CACNA1E: variants seen among roughly 807,000 people sequenced by gnomAD.
The protein encoded by CACNA1E is calcium voltage-gated channel subunit alpha1 E.
CACNA1E carries 40 observed loss-of-function variants against 259.2 expected under a neutral mutation model. The observed-to-expected ratio is 0.15, with a 90% CI of 0.12 to 0.20. The LOEUF (loss-of-function observed/expected upper bound fraction) is 0.20, where lower values mean the gene tolerates loss of function less well. CACNA1E is among the 10% of genes least tolerant of loss of function. The pLI, the probability that CACNA1E is intolerant of heterozygous loss-of-function variation, is 1.00. For missense variants in CACNA1E, 1,874 were observed against 3,040.1 expected (o/e 0.62, Z 9.02); for synonymous variants, 1,104 against 1,138.5 (o/e 0.97, Z 0.61).
intron 2 of CACNA1E, among the ~76,000 whole-genome samples, chr1:181,475,358 A>G (rs908564808): frequency 5.3e-5 from 8 of 152,216 alleles, no homozygotes; most frequent in African/African-American, 1.9e-4. Flanking sequence ...ATCAGTGATA[A>G]AACAGTACTA....
chr1:181,361,434 GT>G (rs1173081889), intron 1 of CACNA1E, among the ~76,000 whole-genome samples: 5 of 152,166 alleles, frequency 3.3e-5, no homozygotes, highest in Non-Finnish European at 7.4e-5. Flanking sequence ...GGTCTCAGAG[GT>G]TTCACAAGGC....
chr1:181,556,369 A>C (rs781494133), intron 3 of CACNA1E, among the ~76,000 whole-genome samples: 2 of 152,156 alleles, frequency 1.3e-5, no homozygotes, highest in African/African-American at 4.8e-5. Flanking sequence ...TTGCTTCCTC[A>C]TGTTTCCACA....
Position 181,731,187 on chromosome 1 carries a change from G to A in CACNA1E, c.2253G>A (p.Arg751=), listed in dbSNP as rs1176353172. 1 of 1,613,844 alleles carries A rather than the reference G, an allele frequency of 6.2e-7. No homozygotes were observed. The highest frequency in any genetic ancestry group is 1.7e-5 in the Admixed American group (1 of 60,026). The change falls in exon 19 of 48, where the codon AGG becomes AGA. Residue 751 remains arginine, a synonymous_variant. Coordinates refer to ENST00000367573, the MANE Select transcript of CACNA1E (RefSeq NM_001205293.3). ...PNMPSIERDR[R]RRHHMSMWEP... ...TTTTCTTCCCCAGAAGAGACAGAAGGAGAAGACACCACATGTCGATGTGGG... is the reference window on the plus strand; with the variant it reads ...TTTTCTTCCCCAGAAGAGACAGAAGAAGAAGACACCACATGTCGATGTGGG...
At chr1:181,714,515 T>C (rs1361604875) in intron 8 of CACNA1E, among the ~76,000 whole-genome samples, 2 of 152,038 alleles carry the variant, frequency 1.3e-5, no homozygotes, top group African/African-American at 2.4e-5. Flanking sequence ...TAAACTAATC[T>C]CTAGTGCCCC....
intron 2 of CACNA1E, among the ~76,000 whole-genome samples, chr1:181,428,586 C>G (rs1659478126): frequency 6.6e-6 from 1 of 151,916 alleles, no homozygotes; most frequent in Non-Finnish European, 1.5e-5. Flanking sequence ...GTTTTAGTGT[C>G]CAGGTGGTGG....
intron 2 of CACNA1E, among the ~76,000 whole-genome samples, chr1:181,434,111 T>G (rs1659913852): frequency 6.6e-6 from 1 of 152,234 alleles, no homozygotes; most frequent in South Asian, 2.1e-4. Context: ...ACTTTCCTAC[T>G]TGGCTCAGAC....
At chr1:181,417,006 T>C (rs534578054) in intron 2 of CACNA1E, among the ~76,000 whole-genome samples, 1 of 152,150 alleles carries the variant, frequency 6.6e-6, no homozygotes, top group East Asian at 1.9e-4. Flanking sequence ...GCCTTCTTGC[T>C]TCCTGCTGAC....
At chr1:181,476,624 T>C (rs1160647554) in intron 2 of CACNA1E, among the ~76,000 whole-genome samples, 2 of 152,206 alleles carry the variant, frequency 1.3e-5, no homozygotes, top group Non-Finnish European at 2.9e-5. Context: ...GCCCCTGACA[T>C]GATACCTGAC....
intron 1 of CACNA1E, among the ~76,000 whole-genome samples, chr1:181,331,952 A>T (rs1651304380): frequency 6.6e-6 from 1 of 152,118 alleles, no homozygotes; most frequent in South Asian, 2.1e-4. Flanking sequence ...GTCTGTTCTT[A>T]TATCAATACC....
chr1:181,580,872 G>A lies in CACNA1E; in HGVS notation c.951+96G>A, dbSNP rs551451821. 64 of 1,068,704 alleles carry A rather than the reference G, an allele frequency of 6.0e-5. No homozygotes were observed. The Middle Eastern group carries it at 9.6e-4, about 16-fold the overall frequency. The allele number at this position is 1,068,704 out of a possible 1,614,324, so 66.2% of individuals were successfully genotyped here. The stretch of plus-strand genomic sequence containing the variant: ...GCCTGGCTAGTCCGGGGACAGGGAG[G>A]GCTATGGATATAGGTGTATTGGGAT... On this transcript the variant is annotated intron_variant, in intron 6 of 47. Coordinates refer to ENST00000367573, the MANE Select transcript of CACNA1E (RefSeq NM_001205293.3).
intron 1 of CACNA1E, among the ~76,000 whole-genome samples, chr1:181,368,348 G>A (rs1352543659): frequency 6.6e-6 from 1 of 151,584 alleles, no homozygotes; most frequent in Non-Finnish European, 1.5e-5. Context: ...TTTATAACAG[G>A]GTGACAAATG....
chr1:181,386,346 G>A (rs1557960785), intron 1 of CACNA1E, among the ~76,000 whole-genome samples: 1 of 152,196 alleles, frequency 6.6e-6, no homozygotes, highest in Non-Finnish European at 1.5e-5. Flanking sequence ...GCTGAAGGGA[G>A]CAGCTTGTGG....
In CACNA1E at chr1:181,798,421, C is replaced by T. The variant is rs1325877084; in HGVS notation, c.6529C>T (p.Arg2177Ter). Residue 2177 changes from arginine (R) to a stop codon, truncating the protein, a stop_gained, in exon 48 of 48, where the codon CGA becomes TGA. Coordinates refer to ENST00000367573, the MANE Select transcript of CACNA1E (RefSeq NM_001205293.3). LOFTEE classifies it high-confidence loss of function. The surrounding 1 kb of genome is among the most constrained non-coding windows in gnomAD (Gnocchi z 4.2). ...RPLLSYSSLI[R>*]HAGSISPPAD... ...CCTCCTTTCCTACAGCTCCCTGATT[C>T]GACACGCGGGCAGCATCTCTCCACC... 1 of 1,613,624 alleles carries T rather than the reference C, an allele frequency of 6.2e-7. No individual in the cohort carries two copies. The highest frequency in any genetic ancestry group is 1.3e-5 in the African/African-American group (1 of 74,908).
chr1:181,712,416 G>T (rs1653464080), intron 8 of CACNA1E, among the ~76,000 whole-genome samples: 1 of 152,276 alleles, frequency 6.6e-6, no homozygotes, highest in East Asian at 1.9e-4. Context: ...GTATGATTTA[G>T]TGCTTAGTTG....
At chr1:181,637,433 TCCC>T (rs1657335806) in intron 6 of CACNA1E, among the ~76,000 whole-genome samples, 6 of 1,954 alleles carry the variant, frequency 3.1e-3, no homozygotes, top group African/African-American at 6.8e-3. Flanking sequence ...CTTCCCTCCT[TCCC>T]TCCCTCCCTC....
intron 3 of CACNA1E, among the ~76,000 whole-genome samples, chr1:181,549,849 C>T (rs1033377486): frequency 2.6e-5 from 4 of 152,210 alleles, no homozygotes; most frequent in East Asian, 3.9e-4. Context: ...TGGAGCATGG[C>T]GGAGAGTGGG....
At chr1:181,510,303 A>C (rs997840459) in intron 1 of CACNA1E, among the ~76,000 whole-genome samples, 174 bp from the exon 2 acceptor site, 2 of 152,232 alleles carry the variant, frequency 1.3e-5, no homozygotes, top group African/African-American at 4.8e-5. Context: ...CACAAAACCA[A>C]AAGTGGATGC....
At chr1:181,340,168 T>A (rs1652043199) in intron 1 of CACNA1E, among the ~76,000 whole-genome samples, 2 of 152,058 alleles carry the variant, frequency 1.3e-5, no homozygotes, top group Admixed American at 1.3e-4. Context: ...ACATAATTTT[T>A]TTTTACATGT....
At chr1:181,700,400 T>TG (rs963962578) in intron 7 of CACNA1E, among the ~76,000 whole-genome samples, 1 of 152,210 alleles carries the variant, frequency 6.6e-6, no homozygotes, top group African/African-American at 2.4e-5. Context: ...GCTTCTTGTC[T>TG]GGTGGCTGCC....
Sources: allele counts gnomAD v4.1 joint callset (sites outside exome capture counted in the v4.1 genomes callset), GRCh38; gene constraint gnomAD v4.1.1; non-coding constraint Gnocchi (gnomAD v3.1); transcripts MANE v1.5; gene names NCBI Gene and HGNC (gene_info 2026-07-23, HGNC 2026-07-21).